The following TMLHE variants were observed in gnomAD, a reference collection of about 807,000 sequenced individuals.
The protein encoded by TMLHE is trimethyllysine hydroxylase, epsilon.
A neutral mutation model predicts 25.7 loss-of-function variants in TMLHE; 18 were observed. The ratio of observed to expected loss-of-function variants is 0.70; its 90% CI spans 0.48 to 1.04. The LOEUF (loss-of-function observed/expected upper bound fraction) is 1.04, where lower values mean the gene tolerates loss of function less well. Ranked by LOEUF, TMLHE falls within the 50% of genes least tolerant of loss-of-function variation. TMLHE has a pLI of 0.00. For missense variants in TMLHE, 236 were observed against 259.0 expected (o/e 0.91, Z 0.61); for synonymous variants, 105 against 97.0 (o/e 1.08, Z -0.49).
intron 6 of TMLHE, among the ~76,000 whole-genome samples, chrX:155,504,952 A>C (rs1023811240): frequency 4.5e-5 from 5 of 111,569 alleles, no homozygotes; most frequent in Non-Finnish European, 5.7e-5. Context: ...TTTGGGTTAA[A>C]TAGGTATATG....
At chrX:155,591,726 G>A (rs1172516788) in intron 1 of TMLHE, among the ~76,000 whole-genome samples, 1 of 111,453 alleles carries the variant, frequency 9.0e-6, no homozygotes, top group African/African-American at 3.3e-5. Flanking sequence ...GGAGAAAAGG[G>A]AACCCTTGTA....
In TMLHE at chrX:155,524,562, C is replaced by T. The variant is rs781898711; in HGVS notation, c.252G>A (p.Ser84=). The part of the protein sequence containing the change: ...VWLRDHCRSA[S]CYNSKTHQRS... The stretch of plus-strand genomic sequence containing the variant: ...GCTGGTGAGTCTTAGAGTTGTAGCA[C>T]GATGCTGAGCGGCAGTGGTCTCGAA... The change falls in exon 3 of 8, where the codon TCG becomes TCA. Residue 84 remains serine, a synonymous_variant. Transcript: ENST00000334398. 5.4e-5 allele frequency: 65 copies of T among 1,207,142 alleles called. No homozygotes were observed. The highest frequency in any genetic ancestry group is 6.6e-5 in the Non-Finnish European group (59 of 893,254).
intron 1 of TMLHE, among the ~76,000 whole-genome samples, chrX:155,593,767 T>TA (rs1388998267): frequency 1.8e-5 from 2 of 110,825 alleles, no homozygotes; most frequent in Non-Finnish European, 3.8e-5. Flanking sequence ...ATAAAAATCT[T>TA]AGAGATGAAG....
In TMLHE at chrX:155,568,141, C is replaced by T. The variant is rs1414665295; in HGVS notation, c.-1-22864G>A. Among the ~76,000 whole-genome samples the T allele has an allele frequency of 4.9e-5, 3 of 61,391 alleles. 1 individual carries two copies. Among genetic ancestry groups the T allele is most frequent in the Non-Finnish European group, 9.1e-5 (2 of 21,926 alleles). The allele number at this position is 61,391 out of a possible 115,157, so 53.3% of individuals were successfully genotyped here. A position where few individuals can be genotyped will look rare whatever the true frequency, so the allele number is the denominator to read the frequency against. On this transcript the variant is annotated intron_variant, in intron 1 of 7. Transcript: ENST00000334398. ...TCGGGTCACTCCCACCCTAATACTG[C>T]GCTTTTCCGACAGGCTGAAAAAACG...
At chrX:155,577,315 A>G (rs186843097) in intron 1 of TMLHE, among the ~76,000 whole-genome samples, 222 of 111,818 alleles carry the variant, frequency 2.0e-3, no homozygotes, top group East Asian at 8.4e-4. Context: ...GTTGGCTCAC[A>G]CCTGTAATCC....
intron 6 of TMLHE, among the ~76,000 whole-genome samples, chrX:155,504,472 A>G (rs1557332459): frequency 2.0e-5 from 2 of 102,501 alleles, no homozygotes; most frequent in Non-Finnish European, 4.0e-5. Flanking sequence ...GTGGCTTGGT[A>G]CCACTCTCAT....
chrX:155,546,430 G>A (rs1400710456), intron 1 of TMLHE, among the ~76,000 whole-genome samples: 1 of 111,599 alleles, frequency 9.0e-6, no homozygotes, highest in Non-Finnish European at 1.9e-5. Flanking sequence ...GGTTCTCAAT[G>A]TGAACCTTCT....
intron 1 of TMLHE, among the ~76,000 whole-genome samples, chrX:155,546,040 C>T (rs2067342741): frequency 9.1e-6 from 1 of 110,443 alleles, no homozygotes; most frequent in African/African-American, 3.3e-5. Flanking sequence ...CTATGTGAAA[C>T]TTTCTTCTCC....
At chrX:155,582,992 A>G (rs2067640772) in intron 1 of TMLHE, among the ~76,000 whole-genome samples, 1 of 112,465 alleles carries the variant, frequency 8.9e-6, no homozygotes, top group Non-Finnish European at 1.9e-5. Context: ...CTATGCAGCC[A>G]TAAAAAATGA....
intron 4 of TMLHE, among the ~76,000 whole-genome samples, chrX:155,513,600 G>A (rs1358055772): frequency 5.5e-5 from 6 of 109,981 alleles, no homozygotes; most frequent in Non-Finnish European, 1.1e-4. Context: ...AGTGGGGGTC[G>A]AGGGGGTGTG....
chrX:155,551,573 A>G (rs2067415855), intron 1 of TMLHE, among the ~76,000 whole-genome samples: 2 of 109,845 alleles, frequency 1.8e-5, no homozygotes, highest in Admixed American at 1.9e-4. Flanking sequence ...TCACAAAATA[A>G]GTTAGAGAAT....
At chrX:155,559,512 T>G (rs1365595661) in intron 1 of TMLHE, among the ~76,000 whole-genome samples, 2 of 111,732 alleles carry the variant, frequency 1.8e-5, no homozygotes, top group African/African-American at 6.5e-5. Context: ...CTTTAGAGTC[T>G]AAAGCCATCG....
At chrX:155,556,389 G>C (rs1047116665) in intron 1 of TMLHE, among the ~76,000 whole-genome samples, 2 of 111,019 alleles carry the variant, frequency 1.8e-5, no homozygotes, top group Non-Finnish European at 3.8e-5. Flanking sequence ...CTAAGCATCG[G>C]CTGGCTTGAG....
At position 155,570,864 on chromosome X, in the gene TMLHE, A is replaced by C. The variant is rs77558831; in HGVS notation, c.-1-25587T>G. Among the ~76,000 whole-genome samples, 23 of 57,483 alleles carry C rather than the reference A, an allele frequency of 4.0e-4. 3 individuals are homozygous for C. Among genetic ancestry groups the C allele is most frequent in the African/African-American group, 9.2e-4 (22 of 23,936 alleles). 49.9% of individuals were successfully genotyped at this position (57,483 alleles called of 115,157 possible). A position where few individuals can be genotyped will look rare whatever the true frequency, so the allele number is the denominator to read the frequency against. On this transcript the variant is annotated intron_variant, in intron 1 of 7. Coordinates refer to ENST00000334398, the MANE Select transcript of TMLHE (RefSeq NM_018196.4). ...TAGAGGGAAATTTATAGCACTAAAT[A>C]CCCACAAGAGAAGCAGGAAAGATCC...
chrX:155,548,209 C>G (rs2067368355), intron 1 of TMLHE, among the ~76,000 whole-genome samples: 1 of 111,845 alleles, frequency 8.9e-6, no homozygotes, highest in Non-Finnish European at 1.9e-5. Context: ...AGTAAGACTT[C>G]AAAAGCACAG....
At chrX:155,603,369 T>TGAAAGAAAGAAAGAAAGAAAGAAAGAAA (rs202078084) in intron 1 of TMLHE, among the ~76,000 whole-genome samples, 1 of 99,288 alleles carries the variant, frequency 1.0e-5, no homozygotes, top group African/African-American at 3.9e-5. Context: ...AAAGAAAGAA[T>TGAAAGAAAGAAAGAAAGAAAGAAAGAAA]GAAAGAAAGA....
chrX:155,507,923 A>G, intron 5 of TMLHE, among the ~76,000 whole-genome samples: 1 of 111,507 alleles, frequency 9.0e-6, no homozygotes, highest in Non-Finnish European at 1.9e-5. Flanking sequence ...GGGGCGTTAT[A>G]GAGAAGAAGA....
chrX:155,532,157 T>C (rs184267472), intron 2 of TMLHE, among the ~76,000 whole-genome samples: 1 of 111,438 alleles, frequency 9.0e-6, no homozygotes, highest in East Asian at 2.8e-4. Context: ...TCAGTTTCCA[T>C]AAAATATTAT....
chrX:155,539,560 C>T (rs2067299090), intron 2 of TMLHE, among the ~76,000 whole-genome samples: 1 of 111,686 alleles, frequency 9.0e-6, no homozygotes, highest in Admixed American at 9.5e-5. Context: ...TCCTTGTATG[C>T]AACCAGACCA....
Sources: allele counts gnomAD v4.1 joint callset (sites outside exome capture counted in the v4.1 genomes callset), GRCh38; gene constraint gnomAD v4.1.1; transcripts MANE v1.5; gene names NCBI Gene and HGNC (gene_info 2026-07-23, HGNC 2026-07-21).